Variants in PDE3A observed in about 807,000 individuals in gnomAD.
The protein encoded by PDE3A is phosphodiesterase 3A, also known as cGMP-inhibited 3',5'-cyclic phosphodiesterase 3A.
In PDE3A, 43 loss-of-function variants were observed where a neutral mutation model predicts 98.3. The observed-to-expected ratio is 0.44, with a 90% CI of 0.34 to 0.56. The LOEUF (loss-of-function observed/expected upper bound fraction) is 0.56. PDE3A is among the 20% of genes least tolerant of loss of function. The pLI is 0.01. For synonymous variants in PDE3A, 663 were observed against 567.9 expected (o/e 1.17, Z -2.38); for missense variants, 1,427 against 1,440.7 (o/e 0.99, Z 0.15).
Position 20,552,522 on chromosome 12 carries a change from G to A in PDE3A, c.961-4138G>A. The A allele has an allele frequency of 6.2e-7, 1 of 1,613,210 alleles. No homozygotes were observed. The highest frequency in any genetic ancestry group is 8.5e-7 in the Non-Finnish European group (1 of 1,179,580). Reference sequence around the variant, plus strand: ...AGAACAGCAAGAGGGAGGAGGAGGAGCAGCAGGAGGGGGGCTTCGCGTCCC... The same window carrying A: ...AGAACAGCAAGAGGGAGGAGGAGGAACAGCAGGAGGGGGGCTTCGCGTCCC... On this transcript the variant is annotated intron_variant, in intron 1 of 15. Coordinates refer to ENST00000359062, the MANE Select transcript of PDE3A (RefSeq NM_000921.5). The surrounding 1 kb of genome is among the most constrained non-coding windows in gnomAD (Gnocchi z 5.1).
At chr12:20,452,940 C>G (rs1208175445) in intron 1 of PDE3A, among the ~76,000 whole-genome samples, 1 of 152,182 alleles carries the variant, frequency 6.6e-6, no homozygotes, top group Non-Finnish European at 1.5e-5. Context: ...AAAGACACTG[C>G]TAATTCTTCT....
chr12:20,465,916 A>G (rs1945333708), intron 1 of PDE3A, among the ~76,000 whole-genome samples: 1 of 152,174 alleles, frequency 6.6e-6, no homozygotes, highest in African/African-American at 2.4e-5. Flanking sequence ...AAAAAATATT[A>G]CTCATCTTAG....
intron 1 of PDE3A, chr12:20,450,112 T>C: frequency 2.1e-6 from 1 of 475,184 alleles, no homozygotes. Flanking sequence ...ATGCTGCTCC[T>C]TTCCCAGAAT....
intron 1 of PDE3A, among the ~76,000 whole-genome samples, chr12:20,504,597 A>C (rs1033351770): frequency 3.3e-5 from 5 of 152,110 alleles, no homozygotes; most frequent in African/African-American, 9.7e-5. Context: ...GCAAGGTCTC[A>C]TTCCTTTCTC....
rs1265923346 is a variant in PDE3A, at chr12:20,448,751, G to GTTTTTTTTT, written c.960+78507_960+78508insTTTTTTTTT. Among the ~76,000 whole-genome samples the GTTTTTTTTT allele has an allele frequency of 2.9e-3, 395 of 134,182 alleles. 9 individuals are homozygous for GTTTTTTTTT. The highest frequency in any genetic ancestry group is 8.5e-3 in the East Asian group (32 of 3,776). The allele number at this position is 134,182 out of a possible 152,430, so 88.0% of individuals were successfully genotyped here. On this transcript the variant is annotated intron_variant, in intron 1 of 15. Coordinates refer to ENST00000359062, the MANE Select transcript of PDE3A (RefSeq NM_000921.5). ...ACATTATTTAAAGTTTTTATTTTAA[G>GTTTTTTTTT]GTTTTTTTTTTTTTTTGAGATGGAG...
At chr12:20,570,512 G>A (rs937463144) in intron 2 of PDE3A, among the ~76,000 whole-genome samples, 2 of 148,774 alleles carry the variant, frequency 1.3e-5, no homozygotes, top group Non-Finnish European at 3.0e-5. Context: ...AGAACACAGA[G>A]CAGTCAGATT....
At chr12:20,626,786 C>A (rs1356522784) in intron 5 of PDE3A, among the ~76,000 whole-genome samples, 2 of 152,216 alleles carry the variant, frequency 1.3e-5, no homozygotes, top group Non-Finnish European at 2.9e-5. Context: ...GCATGAGCCA[C>A]CGCGCCTAGC....
chr12:20,554,906 C>T (rs1942328060), intron 1 of PDE3A, among the ~76,000 whole-genome samples: 1 of 152,110 alleles, frequency 6.6e-6, no homozygotes, highest in African/African-American at 2.4e-5. Flanking sequence ...ATATTTATTC[C>T]AAATTATTTC....
chr12:20,458,692 T>G (rs1224867425), intron 1 of PDE3A, among the ~76,000 whole-genome samples: 1 of 152,152 alleles, frequency 6.6e-6, no homozygotes, highest in Non-Finnish European at 1.5e-5. Context: ...CCCTCAGTTT[T>G]GCTCTACTTG....
intron 2 of PDE3A, among the ~76,000 whole-genome samples, chr12:20,597,581 G>A (rs1457061980): frequency 6.6e-6 from 1 of 151,968 alleles, no homozygotes; most frequent in Non-Finnish European, 1.5e-5. Flanking sequence ...TTCAAAGTTT[G>A]GAAAAGAACC....
chr12:20,654,354 CATA>C, intron 15 of PDE3A, 149 bp downstream of exon 15: 2 of 659,746 alleles, frequency 3.0e-6, no homozygotes, highest in Non-Finnish European at 5.2e-6. Context: ...TCCCCAATAT[CATA>C]ATAATAGAAA....
chr12:20,414,173 A>T (rs888200496), intron 1 of PDE3A, among the ~76,000 whole-genome samples: 2 of 152,222 alleles, frequency 1.3e-5, no homozygotes, highest in Non-Finnish European at 2.9e-5. Context: ...ATATTTGATT[A>T]TATGCCTATA....
chr12:20,622,802 C>T (rs1357718360), intron 5 of PDE3A, among the ~76,000 whole-genome samples: 1 of 151,986 alleles, frequency 6.6e-6, no homozygotes, highest in Non-Finnish European at 1.5e-5. Context: ...CCTTGGCTCC[C>T]TACAAAAATA....
At position 20,621,426 on chromosome 12, in the gene PDE3A, T is replaced by A; in HGVS notation, c.1540+15T>A. The A allele has an allele frequency of 7.6e-7, 1 of 1,321,848 alleles. No homozygotes were observed. Among genetic ancestry groups the A allele is most frequent in the Non-Finnish European group, 1.1e-6 (1 of 913,696 alleles). The allele number at this position is 1,321,848 out of a possible 1,614,324, so 81.9% of individuals were successfully genotyped here. On this transcript the variant is annotated intron_variant, in intron 5 of 15. Coordinates refer to ENST00000359062, the MANE Select transcript of PDE3A (RefSeq NM_000921.5). The stretch of plus-strand genomic sequence containing the variant: ...AAGTCGACCAGGTAAGTAACTTAAC[T>A]GGAGAAGGGTTCATACTGTGAGTGT...
chr12:20,554,410 T>A (rs1309439581), intron 1 of PDE3A, among the ~76,000 whole-genome samples: 1 of 119,964 alleles, frequency 8.3e-6, no homozygotes, highest in Non-Finnish European at 2.0e-5. Context: ...TATTTAATTT[T>A]TTTTTTATTT....
chr12:20,594,712 G>A (rs1268865414), intron 2 of PDE3A, among the ~76,000 whole-genome samples: 1 of 152,054 alleles, frequency 6.6e-6, no homozygotes, highest in Non-Finnish European at 1.5e-5. Context: ...ATTCAGATAT[G>A]GATAGTATGT....
intron 1 of PDE3A, chr12:20,449,829 T>G: frequency 1.8e-6 from 1 of 557,270 alleles, no homozygotes; most frequent in Non-Finnish European, 3.2e-6. Context: ...TTTTCAGCAC[T>G]AATTTACTGG....
At chr12:20,510,270 A>G (rs1315537187) in intron 1 of PDE3A, among the ~76,000 whole-genome samples, 1 of 152,066 alleles carries the variant, frequency 6.6e-6, no homozygotes, top group Non-Finnish European at 1.5e-5. Flanking sequence ...TTGCTATACA[A>G]ATTTGTCAGC....
chr12:20,388,858 A>C (rs1300072324), intron 1 of PDE3A, among the ~76,000 whole-genome samples: 1 of 152,040 alleles, frequency 6.6e-6, no homozygotes, highest in East Asian at 1.9e-4. Context: ...TGAATAAATG[A>C]ATAGAGAAAG....
Sources: allele counts gnomAD v4.1 joint callset (sites outside exome capture counted in the v4.1 genomes callset), GRCh38; gene constraint gnomAD v4.1.1; non-coding constraint Gnocchi (gnomAD v3.1); transcripts MANE v1.5; gene names NCBI Gene and HGNC (gene_info 2026-07-23, HGNC 2026-07-21).